Variants in PLEKHG5 observed in about 807,000 individuals in gnomAD.
PLEKHG5 encodes pleckstrin homology domain-containing family G member 5.
A neutral mutation model predicts 103.8 loss-of-function variants in PLEKHG5; 52 were observed. The observed-to-expected ratio is 0.50, with a 90% CI of 0.40 to 0.63. The LOEUF (loss-of-function observed/expected upper bound fraction) is 0.63. PLEKHG5 is among the 30% of genes least tolerant of loss of function. The pLI is 0.00. For missense variants in PLEKHG5, 1,205 were observed against 1,347.6 expected, an observed-to-expected ratio of 0.89 and a Z score of 1.66; for synonymous variants, 592 against 575.5, an observed-to-expected ratio of 1.03 and a Z score of -0.41.
At chr1:6,471,220 C>A (rs1569858093) in intron 12 of PLEKHG5, 120 bp from the exon 13 acceptor site, 2 of 871,488 alleles carry the variant, frequency 2.3e-6, no homozygotes, top group Non-Finnish European at 1.9e-6. Context: ...AAGGGGGCAG[C>A]AAGCTTATGA....
In PLEKHG5 at chr1:6,486,845, C is replaced by A. The variant is rs1431899597; in HGVS notation, c.-88+4792G>T. ...CAAGACTGAAACTCAGACTGTGGCT[C>A]TGGGATTCTGGGATGGCCTCCTTGG... On this transcript the variant is annotated intron_variant, in intron 1 of 20. Transcript: ENST00000377728. This position sits in a 1 kb window ranked among gnomAD's most constrained non-coding sequence, Gnocchi z 5.3. 6.6e-6 allele frequency among the ~76,000 whole-genome samples: 1 copy of A among 152,234 alleles called. No homozygotes were observed. Among genetic ancestry groups the A allele is most frequent in the East Asian group, 1.9e-4 (1 of 5,192 alleles).
rs920046701 is a variant in PLEKHG5, at chr1:6,489,523, T to C, written c.-88+2114A>G. Among the ~76,000 whole-genome samples, 4 of 152,170 alleles carry C rather than the reference T, an allele frequency of 2.6e-5. No homozygotes were observed. The East Asian group carries it at 7.7e-4, about 29-fold the overall frequency. On this transcript the variant is annotated intron_variant, in intron 1 of 20. Transcript: ENST00000377728. ...TATGCCCAAGGCTGGGACCCAGTGC[T>C]AGAGAAAGAGGGAGGGGCTGCAGTC...
rs769529781 is a variant in PLEKHG5, at chr1:6,474,475, C to G, written c.415G>C (p.Gly139Arg). ...CCTTTGACACGAAGGTAGTGTCCCCCGAACCTGTAGGCCTCGAAGGTGAGG... is the reference window on the plus strand; with the variant it reads ...CCTTTGACACGAAGGTAGTGTCCCCGGAACCTGTAGGCCTCGAAGGTGAGG... ...LSLTFEAYRF[G>R]GHYLRVKAPA... The change falls in exon 6 of 21, where the codon GGG becomes CGG. Residue 139 changes from glycine (G) to arginine (R), a missense_variant. Gly to Arg is a moderately radical substitution (Grantham distance 125). Coordinates refer to ENST00000377728, the MANE Select transcript of PLEKHG5 (RefSeq NM_020631.6). 1 of 1,613,950 alleles carries G rather than the reference C, an allele frequency of 6.2e-7. No individual in the cohort carries two copies. The highest frequency in any genetic ancestry group is 8.5e-7 in the Non-Finnish European group (1 of 1,180,006).
At chr1:6,517,520 C>T (rs1180854655) in intron 1 of PLEKHG5, among the ~76,000 whole-genome samples, 1 of 152,112 alleles carries the variant, frequency 6.6e-6, no homozygotes, top group Non-Finnish European at 1.5e-5. Context: ...GCTAGGGGCT[C>T]ACATGTCAAC....
In PLEKHG5 at chr1:6,469,534, G is replaced by T. The variant is rs1569845252; in HGVS notation, c.1933+10C>A. 6.2e-7 allele frequency: 1 copy of T among 1,613,850 alleles called. No individual in the cohort carries two copies. Among genetic ancestry groups the T allele is most frequent in the Middle Eastern group, 1.6e-4 (1 of 6,062 alleles). ...CCCCTGACCAGGAACAGGGGACCAG[G>T]GCTCCTTACCAGGGTCCCGTAGCTC... is the stretch of plus-strand genomic sequence containing the variant. On this transcript the variant is annotated intron_variant, in intron 17 of 20. Transcript: ENST00000377728.
intron 12 of PLEKHG5, 178 bp from the exon 13 acceptor site, chr1:6,471,278 C>A: frequency 1.3e-6 from 1 of 768,412 alleles, no homozygotes; most frequent in Non-Finnish European, 2.2e-6. Context: ...AGTGACCACC[C>A]GTGGCCAGGG....
At chr1:6,468,944 G>A in intron 19 of PLEKHG5, 98 bp downstream of exon 19, 1 of 1,021,346 alleles carries the variant, frequency 9.8e-7, no homozygotes, top group Non-Finnish European at 1.5e-6. Flanking sequence ...CATGACAAGA[G>A]GCCATTGGGA....
At chr1:6,496,632 G>A (rs989718362), upstream of PLEKHG5, 2 of 1,247,760 alleles carry the variant, frequency 1.6e-6, no homozygotes, top group Non-Finnish European at 1.1e-6. Context: ...GGCCCCACTG[G>A]CCTCCCAACC....
rs546547664 is a variant in PLEKHG5 at position 6,475,279 on chromosome 1, C to T, written c.211-141G>A. On this transcript the variant is annotated intron_variant, in intron 4 of 20. Coordinates refer to ENST00000377728, the MANE Select transcript of PLEKHG5 (RefSeq NM_020631.6). ...CACCCTCCTTCCCAACCCTCCTCCCCACCCTCCCCACCCTCCGGTCTCGGA... is the reference window on the plus strand; with the variant it reads ...CACCCTCCTTCCCAACCCTCCTCCCTACCCTCCCCACCCTCCGGTCTCGGA... 8.8e-4 allele frequency: 583 copies of T among 660,158 alleles called. 4 individuals are homozygous for T. The South Asian group carries it at 8.9e-3, about 10-fold the overall frequency. 40.9% of individuals were successfully genotyped at this position (660,158 alleles called of 1,614,324 possible).
At chr1:6,484,451 C>T (rs1200723898) in intron 1 of PLEKHG5, among the ~76,000 whole-genome samples, 3 of 152,204 alleles carry the variant, frequency 2.0e-5, no homozygotes, top group Admixed American at 6.5e-5. Context: ...TTTCCGACTT[C>T]GTCGAGCAGA....
chr1:6,477,616 G>A lies in PLEKHG5; in HGVS notation c.-45C>T. Reference sequence around the variant, plus strand: ...TCACAGGCCTCGCAGAGGTTGAGGGGCCCCCGGCGGTGCAGCTGCTGGCAG... The same window carrying A: ...TCACAGGCCTCGCAGAGGTTGAGGGACCCCCGGCGGTGCAGCTGCTGGCAG... On this transcript the variant is annotated 5_prime_UTR_variant, in exon 2 of 21. Transcript: ENST00000377728. The A allele has an allele frequency of 6.2e-7, 1 of 1,609,948 alleles. No homozygotes were observed. The highest frequency in any genetic ancestry group is 1.6e-4 in the Middle Eastern group (1 of 6,062).
chr1:6,504,981 G>A (rs1281185036), intron 1 of PLEKHG5, among the ~76,000 whole-genome samples: 1 of 151,926 alleles, frequency 6.6e-6, no homozygotes, highest in African/African-American at 2.4e-5. Context: ...TCACGGATGG[G>A]CTCAGGGAAG....
chr1:6,469,126 TCC>T lies in PLEKHG5; in HGVS notation c.2163_2164del (p.Glu722GlyfsTer63), dbSNP rs1491581266. The T allele has an allele frequency of 2.0e-5, 30 of 1,493,526 alleles. No individual in the cohort carries two copies. In the African/African-American group the frequency reaches 4.7e-4, roughly 24 times the overall value. The allele number at this position is 1,493,526 out of a possible 1,614,324, so 92.5% of individuals were successfully genotyped here. A position where few individuals can be genotyped will look rare whatever the true frequency, so the allele number is the denominator to read the frequency against. ...TGAAGTGCCACTGTCCTCGCCTTCC[TCC>T]TCCTCCTCCTCCTCCTCCTCTTCCT... On this transcript the variant is annotated frameshift_variant, in exon 19 of 21. Transcript: ENST00000377728. LOFTEE classifies it high-confidence loss of function.
Position 6,474,175 on chromosome 1 carries a change from G to A in PLEKHG5, c.440-11C>T, listed in dbSNP as rs747418024. On this transcript the variant is annotated splice_polypyrimidine_tract_variant and intron_variant, in intron 6 of 20. Transcript: ENST00000377728. ...CAGGCTTGGCTGGGGCTGCATGTGG[G>A]GGCCACGAGAGATCCTCAGTACCCT... 20 of 1,613,004 alleles carry A rather than the reference G, an allele frequency of 1.2e-5. No homozygotes were observed. Among genetic ancestry groups the A allele is most frequent in the Non-Finnish European group, 1.7e-5 (20 of 1,179,914 alleles).
intron 1 of PLEKHG5, among the ~76,000 whole-genome samples, chr1:6,481,885 G>A (rs1644911854): frequency 6.6e-6 from 1 of 150,782 alleles, no homozygotes; most frequent in African/African-American, 2.4e-5. Flanking sequence ...AAGCCAAAAG[G>A]GTTAAGGTTA....
upstream of PLEKHG5, among the ~76,000 whole-genome samples, chr1:6,499,177 C>T (rs894112841): frequency 6.6e-6 from 1 of 152,194 alleles, no homozygotes; most frequent in Non-Finnish European, 1.5e-5. Flanking sequence ...TGCCCCAGGG[C>T]CTCTGGATTG....
chr1:6,497,532 C>T (rs2148628484), upstream of PLEKHG5: 1 of 156,404 alleles, frequency 6.4e-6, no homozygotes, highest in Non-Finnish European at 1.4e-5. The surrounding 1 kb of genome is among the most constrained non-coding windows in gnomAD (Gnocchi z 6.1). Context: ...GACGGTGTCA[C>T]CCCTCCCTCC....
At chr1:6,485,216 G>A (rs904084662) in intron 1 of PLEKHG5, 2 of 714,688 alleles carry the variant, frequency 2.8e-6, no homozygotes, top group Non-Finnish European at 3.9e-6. Context: ...GGGGGCCGCG[G>A]GGCCCATAGT....
chr1:6,516,798 G>GTATA (rs34796386), intron 1 of PLEKHG5, among the ~76,000 whole-genome samples: 14 of 143,450 alleles, frequency 9.8e-5, no homozygotes, highest in Middle Eastern at 6.6e-3. Context: ...ATATATATGT[G>GTATA]TATATATATG....
Sources: gnomAD v4.1 joint callset for allele counts (sites outside exome capture counted in the v4.1 genomes callset) on GRCh38, gnomAD v4.1.1 for gene constraint, Gnocchi (gnomAD v3.1) non-coding constraint, MANE v1.5 for transcripts, NCBI Gene and HGNC (gene_info 2026-07-23, HGNC 2026-07-21) for gene names.